The following OSBPL10 variants were observed in gnomAD, a reference collection of about 807,000 sequenced individuals.
OSBPL10 encodes oxysterol binding protein like 10.
In OSBPL10, 49 loss-of-function variants were observed where a neutral mutation model predicts 81.7. The ratio of observed to expected loss-of-function variants is 0.60; its 90% CI spans 0.48 to 0.76. The LOEUF (loss-of-function observed/expected upper bound fraction) is 0.76. Ranked by LOEUF, OSBPL10 falls within the 30% of genes least tolerant of loss-of-function variation. The probability of loss-of-function intolerance (pLI) is 0.00; values close to 1 mark genes in which losing one functional copy is unlikely to be tolerated. For synonymous variants in OSBPL10, 419 were observed against 383.6 expected (o/e 1.09, Z -1.08); for missense variants, 923 against 987.8 (o/e 0.93, Z 0.88).
intron 2 of OSBPL10, chr3:31,989,602 G>C: frequency 6.2e-7 from 1 of 1,614,208 alleles, no homozygotes; most frequent in Non-Finnish European, 8.5e-7. Flanking sequence ...CAAAGGGAAA[G>C]TTGGTAATCA....
rs139095030 is a variant in OSBPL10 at position 31,994,838 on chromosome 3, G to A, written n.298+51653C>T. 4.5e-3 allele frequency among the ~76,000 whole-genome samples: 689 copies of A among 152,246 alleles called. 3 individuals carry two copies. The highest frequency in any genetic ancestry group is 5.8e-3 in the Non-Finnish European group (396 of 68,018). On this transcript the variant is annotated intron_variant and non_coding_transcript_variant, in intron 2 of 3. Coordinates refer to the OSBPL10 transcript ENST00000479173. Reference sequence around the variant, plus strand: ...GGGAACTTGCCCCCAATATTTCAACGTAGGTTCTTTCTATTTTCCCTAAGT... The same window carrying A: ...GGGAACTTGCCCCCAATATTTCAACATAGGTTCTTTCTATTTTCCCTAAGT...
At chr3:31,677,705 C>T (rs1700515699) in intron 8 of OSBPL10, among the ~76,000 whole-genome samples, 1 of 152,170 alleles carries the variant, frequency 6.6e-6, no homozygotes, top group Admixed American at 6.5e-5. Flanking sequence ...TGCCTGCTGC[C>T]TATGAGAAAC....
chr3:31,697,636 T>C (rs1695766643), intron 7 of OSBPL10, among the ~76,000 whole-genome samples: 1 of 152,208 alleles, frequency 6.6e-6, no homozygotes, highest in Non-Finnish European at 1.5e-5. Flanking sequence ...TTTACAGTCA[T>C]CTTTTATTCC....
chr3:31,943,598 T>G (rs186685878), intron 1 of OSBPL10, among the ~76,000 whole-genome samples: 12 of 152,286 alleles, frequency 7.9e-5, no homozygotes, highest in Admixed American at 3.3e-4. Flanking sequence ...GAGACAGACA[T>G]ACATGGATAT....
intron 8 of OSBPL10, among the ~76,000 whole-genome samples, chr3:31,678,075 G>A (rs565328776): frequency 1.7e-5 from 2 of 118,516 alleles, no homozygotes; most frequent in Non-Finnish European, 1.6e-5. Flanking sequence ...GCGACAGAGC[G>A]AGACTCCGTC....
At chr3:31,997,643 A>G (rs1575082302) in intron 2 of OSBPL10, among the ~76,000 whole-genome samples, 2 of 151,618 alleles carry the variant, frequency 1.3e-5, no homozygotes, top group South Asian at 4.2e-4. Flanking sequence ...TTTTGTTTTT[A>G]CTTTCCTTTA....
intron 1 of OSBPL10, among the ~76,000 whole-genome samples, chr3:32,047,669 GT>G (rs1159896646): frequency 1.7e-4 from 25 of 145,068 alleles, no homozygotes; most frequent in Non-Finnish European, 2.0e-4. Flanking sequence ...TTTGTTTTTT[GT>G]TTTTTTTTTT....
chr3:31,859,902 T>A (rs963115919), intron 3 of OSBPL10, among the ~76,000 whole-genome samples: 1 of 152,322 alleles, frequency 6.6e-6, no homozygotes, highest in Middle Eastern at 3.4e-3. Context: ...CATTCCCACA[T>A]GTAATCAGAC....
intron 8 of OSBPL10, among the ~76,000 whole-genome samples, chr3:31,678,580 C>T (rs903821613): frequency 2.6e-5 from 4 of 152,126 alleles, no homozygotes; most frequent in African/African-American, 4.8e-5. Context: ...TCTACCTTTT[C>T]GAACATTTCC....
At chr3:31,812,804 A>AAGAAAGAAAGAAAGAAAGAAAGAAAGAG (rs1699736089) in intron 4 of OSBPL10, among the ~76,000 whole-genome samples, 2 of 56,088 alleles carry the variant, frequency 3.6e-5, no homozygotes, top group Non-Finnish European at 6.9e-5. Context: ...GAAAGAAAGA[A>AAGAAAGAAAGAAAGAAAGAAAGAAAGAG]AGAAAGAAAG....
chr3:31,996,501 G>A (rs1699090936), intron 2 of OSBPL10, among the ~76,000 whole-genome samples: 1 of 151,852 alleles, frequency 6.6e-6, no homozygotes, highest in Non-Finnish European at 1.5e-5. Flanking sequence ...AATTGCCAGG[G>A]GGAGAAGGGG....
At chr3:32,059,893 C>T (rs2125441218) in intron 1 of OSBPL10, among the ~76,000 whole-genome samples, 1 of 152,134 alleles carries the variant, frequency 6.6e-6, no homozygotes, top group South Asian at 2.1e-4. Context: ...GCCTGGGAGA[C>T]AGAGCCAGAC....
intron 1 of OSBPL10, among the ~76,000 whole-genome samples, chr3:31,903,565 A>C (rs1696317421): frequency 6.6e-6 from 1 of 152,160 alleles, no homozygotes; most frequent in Non-Finnish European, 1.5e-5. Flanking sequence ...TCCTGGACTC[A>C]AACAATCCTC....
At chr3:31,738,623 A>C (rs1426220992) in intron 5 of OSBPL10, among the ~76,000 whole-genome samples, 2 of 152,156 alleles carry the variant, frequency 1.3e-5, no homozygotes, top group Admixed American at 6.5e-5. Flanking sequence ...GCCTCATCTA[A>C]TCCTAATGGT....
In OSBPL10 at chr3:31,809,869, C is replaced by CTTTTTTTTT. The variant is rs34795137; in HGVS notation, c.729+20162_729+20170dup. The stretch of plus-strand genomic sequence containing the variant: ...AAATGTCAATGGGTGCCCCCTGACT[C>CTTTTTTTTT]TTTTTTTTTTTTTTTTTTTGAGATG... On this transcript the variant is annotated intron_variant, in intron 4 of 11. Transcript: ENST00000396556. Among the ~76,000 whole-genome samples, 87 of 98,610 alleles carry CTTTTTTTTT rather than the reference C, an allele frequency of 8.8e-4. 4 individuals are homozygous for CTTTTTTTTT. Among genetic ancestry groups the CTTTTTTTTT allele is most frequent in the African/African-American group, 3.3e-3 (60 of 18,420 alleles). 64.7% of individuals were successfully genotyped at this position (98,610 alleles called of 152,430 possible).
intron 6 of OSBPL10, among the ~76,000 whole-genome samples, chr3:31,721,029 G>C (rs1004422491): frequency 6.6e-6 from 1 of 152,096 alleles, no homozygotes; most frequent in African/African-American, 2.4e-5. Flanking sequence ...AGATTATCTG[G>C]GTAAGCTCTG....
intron 1 of OSBPL10, 44 bp from the exon 2 acceptor site, chr3:31,879,874 A>C: frequency 1.9e-6 from 3 of 1,572,726 alleles, no homozygotes; most frequent in Non-Finnish European, 2.6e-6. Flanking sequence ...CTCCTACCCT[A>C]TTCTGCACAG....
chr3:31,929,898 G>C lies in OSBPL10; in HGVS notation c.282-50068C>G, dbSNP rs543899892. On this transcript the variant is annotated intron_variant, in intron 1 of 11. Coordinates refer to ENST00000396556, the MANE Select transcript of OSBPL10 (RefSeq NM_017784.5). Reference sequence around the variant, plus strand: ...CCTGTAATCCCAGCTACACAGGACAGTGAAGCAAGAAGATGGCTTAAACCC... The same window carrying C: ...CCTGTAATCCCAGCTACACAGGACACTGAAGCAAGAAGATGGCTTAAACCC... Among the ~76,000 whole-genome samples, 272 of 150,750 alleles carry C rather than the reference G, an allele frequency of 1.8e-3. 1 individual carries two copies. The highest frequency in any genetic ancestry group is 6.4e-3 in the African/African-American group (262 of 40,980).
At chr3:31,741,902 C>T (rs1471646924) in intron 5 of OSBPL10, among the ~76,000 whole-genome samples, 3 of 152,196 alleles carry the variant, frequency 2.0e-5, no homozygotes, top group South Asian at 2.1e-4. Flanking sequence ...GCTCTCTCTT[C>T]GCCTGCTGCC....
Sources: gnomAD v4.1 joint callset for allele counts (sites outside exome capture counted in the v4.1 genomes callset) on GRCh38, gnomAD v4.1.1 for gene constraint, MANE v1.5 for transcripts, NCBI Gene and HGNC (gene_info 2026-07-23, HGNC 2026-07-21) for gene names.